ATG4C: variants seen among roughly 807,000 people sequenced by gnomAD.
ATG4C encodes the protein autophagy related 4C cysteine peptidase, also known as cysteine protease ATG4C.
A neutral mutation model predicts 57.6 loss-of-function variants in ATG4C; 56 were observed. The ratio of observed to expected loss-of-function variants is 0.97; its 90% CI spans 0.78 to 1.21. ATG4C has a LOEUF of 1.21. ATG4C is among the 50% of genes most tolerant of loss of function. The probability of loss-of-function intolerance (pLI) is 0.00; values close to 1 mark genes in which losing one functional copy is unlikely to be tolerated. For synonymous variants in ATG4C, 157 were observed against 174.1 expected (o/e 0.90, Z 0.78); for missense variants, 595 against 529.8 (o/e 1.12, Z -1.21).
At chr1:62,856,131 A>G (rs1666674842) in intron 10 of ATG4C, among the ~76,000 whole-genome samples, 2 of 152,222 alleles carry the variant, frequency 1.3e-5, no homozygotes, top group South Asian at 4.1e-4. Context: ...AGTGGTACAC[A>G]GTTTCCCATG....
At chr1:62,857,472 G>A (rs1167719769) in intron 10 of ATG4C, among the ~76,000 whole-genome samples, 1 of 152,088 alleles carries the variant, frequency 6.6e-6, no homozygotes, top group Admixed American at 6.5e-5. Context: ...ATTATAGTGA[G>A]TTGTGTAATT....
At chr1:62,810,756 A>C (rs1282168767) in intron 3 of ATG4C, among the ~76,000 whole-genome samples, 2 of 151,252 alleles carry the variant, frequency 1.3e-5, no homozygotes, top group Non-Finnish European at 2.9e-5. Flanking sequence ...AGAGACCATA[A>C]TCTGAGTGCA....
Position 62,792,371 on chromosome 1 carries a change from C to G in ATG4C, c.-69+8098C>G, listed in dbSNP as rs187477502. On this transcript the variant is annotated intron_variant, in intron 1 of 10. Coordinates refer to ENST00000317868, the MANE Select transcript of ATG4C (RefSeq NM_032852.4). ...TACCACTCATAGACAGTCTTCTGATCAGTTGAAGGAATTGGGACATTTAAT... is the reference window on the plus strand; with the variant it reads ...TACCACTCATAGACAGTCTTCTGATGAGTTGAAGGAATTGGGACATTTAAT... Among the ~76,000 whole-genome samples the G allele has an allele frequency of 5.5e-3, 839 of 152,276 alleles. 7 individuals carry two copies. The highest frequency in any genetic ancestry group is 0.019 in the African/African-American group (803 of 41,536).
intron 9 of ATG4C, among the ~76,000 whole-genome samples, chr1:62,838,779 T>C (rs1666077726): frequency 7.1e-6 from 1 of 141,156 alleles, no homozygotes; most frequent in Non-Finnish European, 1.5e-5. Context: ...AAACTTCATC[T>C]CAAAAAAAAA....
At position 62,863,981 on chromosome 1, in the gene ATG4C, TTC is replaced by T; in HGVS notation, c.1210-9_1210-8del. 1.3e-6 allele frequency: 2 copies of T among 1,547,348 alleles called. No homozygotes were observed. The highest frequency in any genetic ancestry group is 2.1e-4 in the Middle Eastern group (1 of 4,782). On this transcript the variant is annotated splice_polypyrimidine_tract_variant and intron_variant, in intron 10 of 10. Coordinates refer to ENST00000317868, the MANE Select transcript of ATG4C (RefSeq NM_032852.4). ...ATCCAATAAGGAATTCTTCTATACTTTCTGTTACAGATGCTGAAATTTTCTTC... is the reference window on the plus strand; with the variant it reads ...ATCCAATAAGGAATTCTTCTATACTTTGTTACAGATGCTGAAATTTTCTTC...
At chr1:62,854,959 T>G (rs923889513) in intron 10 of ATG4C, among the ~76,000 whole-genome samples, 2 of 152,168 alleles carry the variant, frequency 1.3e-5, no homozygotes, top group Admixed American at 6.5e-5. Flanking sequence ...TTATTCAGCT[T>G]CTGAAGTCAT....
At chr1:62,836,810 A>G (rs865930802) in intron 9 of ATG4C, among the ~76,000 whole-genome samples, 6 of 152,096 alleles carry the variant, frequency 3.9e-5, no homozygotes, top group East Asian at 1.9e-4. Flanking sequence ...TAAATCATCC[A>G]CTGATTCCAC....
At chr1:62,843,844 T>C (rs1666245827) in intron 10 of ATG4C, among the ~76,000 whole-genome samples, 1 of 152,060 alleles carries the variant, frequency 6.6e-6, no homozygotes, top group Non-Finnish European at 1.5e-5. Flanking sequence ...ATAAGACAAG[T>C]AGACATATAT....
At chr1:62,810,856 C>G (rs1020858539) in intron 3 of ATG4C, among the ~76,000 whole-genome samples, 1 of 152,046 alleles carries the variant, frequency 6.6e-6, no homozygotes, top group African/African-American at 2.4e-5. Flanking sequence ...CTTATAAAGG[C>G]ATGAATTCAA....
intron 6 of ATG4C, 26 bp from the exon 7 acceptor site, chr1:62,829,014 A>G: frequency 6.3e-7 from 1 of 1,577,438 alleles, no homozygotes. Context: ...ATAAAATTTA[A>G]TACATATTCA....
intron 10 of ATG4C, among the ~76,000 whole-genome samples, chr1:62,842,371 G>A (rs1027379680): frequency 2.7e-5 from 4 of 147,672 alleles, no homozygotes; most frequent in Non-Finnish European, 4.4e-5. Context: ...GCGCGATCTC[G>A]GCTCACTGCA....
chr1:62,855,671 T>A (rs1304469134), intron 10 of ATG4C, among the ~76,000 whole-genome samples: 9 of 152,222 alleles, frequency 5.9e-5, no homozygotes, highest in African/African-American at 2.2e-4. Context: ...TCACCTATGG[T>A]ATATTATCTC....
rs540474671 is a variant in ATG4C, at chr1:62,863,989, C to G, written c.1210-3C>G. The G allele has an allele frequency of 4.5e-6, 7 of 1,559,238 alleles. No individual in the cohort carries two copies. Reference sequence around the variant, plus strand: ...AGGAATTCTTCTATACTTTCTGTTACAGATGCTGAAATTTTCTTCTAAGGA... The same window carrying G: ...AGGAATTCTTCTATACTTTCTGTTAGAGATGCTGAAATTTTCTTCTAAGGA... On this transcript the variant is annotated splice_region_variant and splice_polypyrimidine_tract_variant and intron_variant, in intron 10 of 10. Coordinates refer to ENST00000317868, the MANE Select transcript of ATG4C (RefSeq NM_032852.4).
At chr1:62,833,453 A>G (rs982140259) in intron 7 of ATG4C, among the ~76,000 whole-genome samples, 1 of 152,174 alleles carries the variant, frequency 6.6e-6, no homozygotes, top group Non-Finnish European at 1.5e-5. Context: ...CTGATATTTT[A>G]TGATTAGTAA....
intron 9 of ATG4C, chr1:62,835,514 A>G (rs1176154376): frequency 4.5e-6 from 1 of 220,196 alleles, no homozygotes; most frequent in Admixed American, 5.5e-5. Flanking sequence ...TTTACAGAAT[A>G]AAATAACTTA....
chr1:62,843,843 G>A (rs1572160932), intron 10 of ATG4C, among the ~76,000 whole-genome samples: 1 of 152,178 alleles, frequency 6.6e-6, no homozygotes, highest in South Asian at 2.1e-4. Flanking sequence ...AATAAGACAA[G>A]TAGACATATA....
At chr1:62,825,585 A>C (rs1025395451) in intron 6 of ATG4C, among the ~76,000 whole-genome samples, 4 of 152,114 alleles carry the variant, frequency 2.6e-5, no homozygotes, top group African/African-American at 9.7e-5. Context: ...GAATTCACCA[A>C]GTCTTGTGGC....
intron 3 of ATG4C, among the ~76,000 whole-genome samples, chr1:62,809,210 A>C (rs994413339): frequency 2.0e-5 from 3 of 152,080 alleles, no homozygotes; most frequent in Non-Finnish European, 4.4e-5. Flanking sequence ...AAGGGCTAGG[A>C]TTACAAGCTT....
chr1:62,850,850 GTATGTATATATATATATATATATA>G (rs1666487516), intron 10 of ATG4C, among the ~76,000 whole-genome samples: 1 of 33,546 alleles, frequency 3.0e-5, no homozygotes, highest in Admixed American at 3.3e-4. Context: ...GTGTGTGTAT[GTATGTATATATATATATATATATA>G]TATATATATA....
Sources: allele counts gnomAD v4.1 joint callset (sites outside exome capture counted in the v4.1 genomes callset), GRCh38; gene constraint gnomAD v4.1.1; transcripts MANE v1.5; gene names NCBI Gene and HGNC (gene_info 2026-07-23, HGNC 2026-07-21).